The following ULK4 variants were observed in gnomAD, a reference collection of about 807,000 sequenced individuals.
ULK4 encodes the protein unc-51 like kinase 4.
A neutral mutation model predicts 160.6 loss-of-function variants in ULK4; 133 were observed. That is an observed-to-expected ratio of 0.83 (90% confidence interval 0.72 to 0.96). The LOEUF (loss-of-function observed/expected upper bound fraction) is 0.96, where lower values mean the gene tolerates loss of function less well. Ranked by LOEUF, ULK4 falls within the 40% of genes least tolerant of loss-of-function variation. The probability of loss-of-function intolerance (pLI) is 0.00; values close to 1 mark genes in which losing one functional copy is unlikely to be tolerated. For missense variants in ULK4, 1,580 were observed against 1,499.5 expected, an observed-to-expected ratio of 1.05 and a Z score of -0.89; for synonymous variants, 534 against 539.8, an observed-to-expected ratio of 0.99 and a Z score of 0.15.
chr3:41,765,210 A>G (rs931630900), intron 21 of ULK4, among the ~76,000 whole-genome samples: 1 of 152,310 alleles, frequency 6.6e-6, no homozygotes, highest in Middle Eastern at 3.4e-3. Context: ...CATATACACC[A>G]TGGAATACTA....
At chr3:41,523,714 G>A (rs989239226) in intron 32 of ULK4, among the ~76,000 whole-genome samples, 1 of 152,124 alleles carries the variant, frequency 6.6e-6, no homozygotes, top group Non-Finnish European at 1.5e-5. Context: ...TCAGAAAACA[G>A]TCTGGCAGTT....
rs557196524 is a variant in ULK4 at position 41,418,024 on chromosome 3, C to T, written c.3493-19760G>A. On this transcript the variant is annotated intron_variant, in intron 34 of 36. Coordinates refer to ENST00000301831, the MANE Select transcript of ULK4 (RefSeq NM_017886.4). ...AAGTTGAGACTAAGGGAATTCTGTT[C>T]TAACAAGCCTTGTTAAATTAACCCT... is the stretch of plus-strand genomic sequence containing the variant. Among the ~76,000 whole-genome samples, 5 of 152,254 alleles carry T rather than the reference C, an allele frequency of 3.3e-5. No individual in the cohort carries two copies. The South Asian group carries it at 1.0e-3, about 32-fold the overall frequency.
intron 35 of ULK4, among the ~76,000 whole-genome samples, chr3:41,332,634 T>C (rs545773553): frequency 4.6e-4 from 70 of 152,366 alleles, no homozygotes; most frequent in African/African-American, 1.6e-3. Context: ...ATTTAAAGAA[T>C]CTTATATTTT....
chr3:41,822,944 G>A (rs138432055), intron 18 of ULK4, among the ~76,000 whole-genome samples: 6,477 of 148,618 alleles, frequency 0.044, 425 homozygotes, highest in African/African-American at 0.15. Context: ...GGATGGTCTC[G>A]ATCTCTTGAC....
chr3:41,943,868 C>CT (rs1449838015), intron 2 of ULK4, among the ~76,000 whole-genome samples: 1 of 152,174 alleles, frequency 6.6e-6, no homozygotes, highest in African/African-American at 2.4e-5. Context: ...TTTTCCCTTG[C>CT]TAATAGACCA....
chr3:41,455,322 G>A (rs1224779417), intron 34 of ULK4, among the ~76,000 whole-genome samples, 175 bp downstream of exon 34: 1 of 152,078 alleles, frequency 6.6e-6, no homozygotes, highest in African/African-American at 2.4e-5. Flanking sequence ...TAAGCCACCT[G>A]GTTTTAAAAT....
At chr3:41,326,883 C>T (rs1178678079) in intron 35 of ULK4, among the ~76,000 whole-genome samples, 5 of 152,152 alleles carry the variant, frequency 3.3e-5, no homozygotes, top group Non-Finnish European at 7.3e-5. Flanking sequence ...CAGCCAGATT[C>T]CCTTTTCATC....
At chr3:41,831,940 A>C (rs919433463) in intron 18 of ULK4, among the ~76,000 whole-genome samples, 1 of 152,008 alleles carries the variant, frequency 6.6e-6, no homozygotes, top group Non-Finnish European at 1.5e-5. Flanking sequence ...TTCTTTATCC[A>C]GTCTATCATT....
chr3:41,445,783 C>G (rs1344072806), intron 34 of ULK4, among the ~76,000 whole-genome samples: 3 of 152,036 alleles, frequency 2.0e-5, no homozygotes, highest in Non-Finnish European at 4.4e-5. Context: ...AGAAGAAAAC[C>G]TAGGCAATAC....
chr3:41,771,390 C>T (rs1318097786), intron 21 of ULK4, among the ~76,000 whole-genome samples: 1 of 152,032 alleles, frequency 6.6e-6, no homozygotes, highest in Non-Finnish European at 1.5e-5. Flanking sequence ...TAATCAAATA[C>T]ATTTATAAAG....
intron 35 of ULK4, among the ~76,000 whole-genome samples, chr3:41,378,420 C>G (rs1002202108): frequency 6.7e-6 from 1 of 149,508 alleles, no homozygotes; most frequent in Non-Finnish European, 1.5e-5. Context: ...ATGAGTGGCA[C>G]TTACATATAC....
intron 19 of ULK4, among the ~76,000 whole-genome samples, chr3:41,811,106 C>T (rs929456789): frequency 1.1e-4 from 16 of 152,064 alleles, no homozygotes; most frequent in African/African-American, 3.1e-4. Context: ...AGGCTGGTCT[C>T]GAACTCTTGG....
At chr3:41,664,555 T>C (rs1381824872) in intron 29 of ULK4, among the ~76,000 whole-genome samples, 3 of 152,096 alleles carry the variant, frequency 2.0e-5, no homozygotes, top group Non-Finnish European at 2.9e-5. Context: ...CTATCTAAAA[T>C]GTATCAAAAT....
chr3:41,334,307 G>A (rs570244957), intron 35 of ULK4, among the ~76,000 whole-genome samples: 1 of 152,136 alleles, frequency 6.6e-6, no homozygotes, highest in African/African-American at 2.4e-5. Context: ...GAGGCCCGTT[G>A]CATCTCTTCA....
intron 30 of ULK4, among the ~76,000 whole-genome samples, chr3:41,640,232 T>C (rs2034126819): frequency 6.6e-6 from 1 of 152,162 alleles, no homozygotes; most frequent in South Asian, 2.1e-4. Context: ...TATGCACTCA[T>C]ACATACAAAA....
At chr3:41,751,002 AAGGGAGGGAAGGAGGGTGGGAAGG>A (rs2038607258) in intron 22 of ULK4, among the ~76,000 whole-genome samples, 2 of 85,668 alleles carry the variant, frequency 2.3e-5, no homozygotes, top group African/African-American at 4.9e-5. Context: ...GAGAGAGAGG[AAGGGAGGGAAGGAGGGTGGGAAGG>A]AGGGAGGGAA....
intron 32 of ULK4, among the ~76,000 whole-genome samples, chr3:41,536,116 G>A (rs2086489561): frequency 6.6e-6 from 1 of 152,024 alleles, no homozygotes. Flanking sequence ...GTGACTTTTG[G>A]AGCTCACAGT....
At chr3:41,463,739 G>A (rs1325610901) in intron 32 of ULK4, among the ~76,000 whole-genome samples, 1 of 152,106 alleles carries the variant, frequency 6.6e-6, no homozygotes. Context: ...AAATTACCAG[G>A]TGCCATCCCT....
intron 32 of ULK4, among the ~76,000 whole-genome samples, chr3:41,470,018 GAAAA>G (rs71094650): frequency 6.5e-4 from 30 of 45,974 alleles, no homozygotes; most frequent in South Asian, 3.3e-3. Context: ...AAACAGAACA[GAAAA>G]AAAAAAAAAA....
Sources: allele counts gnomAD v4.1 joint callset (sites outside exome capture counted in the v4.1 genomes callset), GRCh38; gene constraint gnomAD v4.1.1; transcripts MANE v1.5; gene names NCBI Gene and HGNC (gene_info 2026-07-23, HGNC 2026-07-21).